Variants in KHDRBS3 observed in about 807,000 individuals in gnomAD.
KHDRBS3 encodes KH domain-containing, RNA-binding, signal transduction-associated protein 3.
In KHDRBS3, 23 loss-of-function variants were observed where a neutral mutation model predicts 45.6. That is an observed-to-expected ratio of 0.50 (90% CI 0.36 to 0.72). KHDRBS3 has a LOEUF of 0.72. Among genes scored for constraint, KHDRBS3 ranks in the 30% least tolerant of loss-of-function variants. The pLI is 0.00. For synonymous variants in KHDRBS3, 162 were observed against 156.5 expected, an observed-to-expected ratio of 1.04 and a Z score of -0.26; for missense variants, 352 against 424.8, an observed-to-expected ratio of 0.83 and a Z score of 1.51.
At chr8:135,499,641 C>T (rs1375478471) in intron 1 of KHDRBS3, among the ~76,000 whole-genome samples, 1 of 152,152 alleles carries the variant, frequency 6.6e-6, no homozygotes, top group Non-Finnish European at 1.5e-5. Context: ...CTACAAATCT[C>T]AGTTTGTTCT....
chr8:135,534,890 T>C (rs959564948), intron 2 of KHDRBS3, among the ~76,000 whole-genome samples: 1 of 152,148 alleles, frequency 6.6e-6, no homozygotes, highest in Non-Finnish European at 1.5e-5. Flanking sequence ...ACGCTGAGGC[T>C]GCCATGGTAA....
chr8:135,617,429 C>T lies in KHDRBS3; in HGVS notation c.890+10392C>T, dbSNP rs117068133. ...GGTAGCTGGGACTACAGGAGTGCTC[C>T]ACCACACCCAGCTAATTTTTGTGTT... On this transcript the variant is annotated intron_variant, in intron 7 of 8. Coordinates refer to ENST00000355849, the MANE Select transcript of KHDRBS3 (RefSeq NM_006558.3). Among the ~76,000 whole-genome samples the T allele has an allele frequency of 2.6e-3, 402 of 152,222 alleles. 3 individuals are homozygous for T. Among genetic ancestry groups the T allele is most frequent in the Admixed American group, 8.2e-3 (125 of 15,282 alleles).
chr8:135,613,179 G>A (rs547184222), intron 7 of KHDRBS3, among the ~76,000 whole-genome samples: 1 of 151,950 alleles, frequency 6.6e-6, no homozygotes, highest in South Asian at 2.1e-4. Flanking sequence ...TAATATTATA[G>A]TATGCATAAG....
intron 3 of KHDRBS3, among the ~76,000 whole-genome samples, chr8:135,546,454 G>T (rs754094829): frequency 6.6e-6 from 1 of 152,130 alleles, no homozygotes; most frequent in Non-Finnish European, 1.5e-5. Flanking sequence ...TGGTTACATA[G>T]CATAATAATC....
At chr8:135,496,690 T>C (rs963957762) in intron 1 of KHDRBS3, among the ~76,000 whole-genome samples, 2 of 152,248 alleles carry the variant, frequency 1.3e-5, no homozygotes, top group African/African-American at 4.8e-5. Context: ...TTTTATTTAT[T>C]GCTATGTGAT....
At chr8:135,631,184 G>A (rs971423134) in intron 7 of KHDRBS3, among the ~76,000 whole-genome samples, 1 of 144,686 alleles carries the variant, frequency 6.9e-6, no homozygotes, top group Non-Finnish European at 1.5e-5. Context: ...CGGGGAGGTG[G>A]AGGTTGTGGT....
chr8:135,458,430 T>C (rs1397500903), intron 1 of KHDRBS3: 1 of 223,530 alleles, frequency 4.5e-6, no homozygotes, highest in Non-Finnish European at 9.0e-6. Context: ...GCTTGCATTG[T>C]TAGCGAAGTT....
intron 6 of KHDRBS3, among the ~76,000 whole-genome samples, chr8:135,596,382 G>A (rs1828974410): frequency 6.6e-6 from 1 of 152,120 alleles, no homozygotes; most frequent in Non-Finnish European, 1.5e-5. Flanking sequence ...TTAGGTGAAG[G>A]GACTGATAAA....
At chr8:135,485,908 G>T (rs977699919) in intron 1 of KHDRBS3, among the ~76,000 whole-genome samples, 38 of 144,610 alleles carry the variant, frequency 2.6e-4, no homozygotes, top group Non-Finnish European at 5.1e-4. Flanking sequence ...TGTTTACAAA[G>T]ATACACCAGG....
chr8:135,643,630 G>C (rs1831158340), intron 7 of KHDRBS3, among the ~76,000 whole-genome samples: 1 of 152,216 alleles, frequency 6.6e-6, no homozygotes, highest in African/African-American at 2.4e-5. Context: ...TGGCCATGCT[G>C]TGCCGTAGTC....
intron 1 of KHDRBS3, among the ~76,000 whole-genome samples, chr8:135,496,163 A>AACT (rs1351570240): frequency 7.8e-6 from 1 of 128,476 alleles, no homozygotes; most frequent in Non-Finnish European, 1.7e-5. Context: ...TAGGAAGGAA[A>AACT]ACTGTAGAGA....
At chr8:135,507,850 T>G (rs1824085437) in intron 1 of KHDRBS3, among the ~76,000 whole-genome samples, 1 of 152,212 alleles carries the variant, frequency 6.6e-6, no homozygotes, top group African/African-American at 2.4e-5. Flanking sequence ...GCAAACTGAT[T>G]TTTCATCAGT....
chr8:135,521,355 G>A lies in KHDRBS3; in HGVS notation c.207G>A (p.Lys69=). 1 of 1,554,408 alleles carries A rather than the reference G, an allele frequency of 6.4e-7. No homozygotes were observed. The highest frequency in any genetic ancestry group is 8.9e-7 in the Non-Finnish European group (1 of 1,126,262). ...TAATTCCCGTAAAACAGTTCCCTAAGGTAAGACAGTGAGGTCTACACTGCA... is the reference window on the plus strand; with the variant it reads ...TAATTCCCGTAAAACAGTTCCCTAAAGTAAGACAGTGAGGTCTACACTGCA... ...KVLIPVKQFP[K]FNFVGKLLGP... The change falls in exon 2 of 9, where the codon AAG becomes AAA. Residue 69 remains lysine, a splice_region_variant and synonymous_variant. Coordinates refer to ENST00000355849, the MANE Select transcript of KHDRBS3 (RefSeq NM_006558.3).
At chr8:135,611,695 A>G (rs72734008) in intron 7 of KHDRBS3, among the ~76,000 whole-genome samples, 13,679 of 151,846 alleles carry the variant, frequency 0.09, 929 homozygotes, top group East Asian at 0.19. Flanking sequence ...ACCCACTCTA[A>G]AGGCCTCATT....
intron 4 of KHDRBS3, among the ~76,000 whole-genome samples, chr8:135,551,599 TTCCC>T (rs1826604970): frequency 1.3e-5 from 2 of 152,174 alleles, no homozygotes; most frequent in Non-Finnish European, 2.9e-5. Context: ...CCGAGGATAA[TTCCC>T]ACTTGGTCAT....
At chr8:135,572,733 T>A (rs1016858356) in intron 5 of KHDRBS3, among the ~76,000 whole-genome samples, 1 of 152,224 alleles carries the variant, frequency 6.6e-6, no homozygotes, top group Non-Finnish European at 1.5e-5. Context: ...TCGGGTGGTC[T>A]CTAGAGTTGC....
At chr8:135,587,808 G>T (rs1032707390) in intron 6 of KHDRBS3, among the ~76,000 whole-genome samples, 1 of 152,152 alleles carries the variant, frequency 6.6e-6, no homozygotes, top group Non-Finnish European at 1.5e-5. Flanking sequence ...GGGTCAACAT[G>T]CAAAGAAAAC....
At position 135,646,979 on chromosome 8, in the gene KHDRBS3, C is replaced by G; in HGVS notation, c.950-14C>G. ...TGGCAGTGATCTAATTGTGATTCAT[C>G]TTACTGATTGTAGGGCAAGAAGAGT... is the stretch of plus-strand genomic sequence containing the variant. On this transcript the variant is annotated splice_polypyrimidine_tract_variant and intron_variant, in intron 8 of 8. Coordinates refer to ENST00000355849, the MANE Select transcript of KHDRBS3 (RefSeq NM_006558.3). The G allele has an allele frequency of 6.9e-7, 1 of 1,449,104 alleles. No homozygotes were observed. Among genetic ancestry groups the G allele is most frequent in the Non-Finnish European group, 9.7e-7 (1 of 1,029,508 alleles). The allele number at this position is 1,449,104 out of a possible 1,614,324, so 89.8% of individuals were successfully genotyped here.
rs1292617450 is a variant in KHDRBS3 at position 135,457,631 on chromosome 8, G to A, written c.-236G>A. The stretch of plus-strand genomic sequence containing the variant: ...CCCGCTCCTCCTCGGCCCGCGCCCG[G>A]AGCGCGGGGGCCGCCGGCGCTGGGT... On this transcript the variant is annotated 5_prime_UTR_variant, in exon 1 of 9. Coordinates refer to ENST00000355849, the MANE Select transcript of KHDRBS3 (RefSeq NM_006558.3). The surrounding 1 kb of genome is among the most constrained non-coding windows in gnomAD (Gnocchi z 4.4). The A allele has an allele frequency of 2.0e-5, 3 of 147,252 alleles. No individual in the cohort carries two copies. The highest frequency in any genetic ancestry group is 7.3e-5 in the African/African-American group (3 of 40,858). The allele number at this position is 147,252 out of a possible 1,614,324, so 9.1% of individuals were successfully genotyped here.
Sources: allele counts gnomAD v4.1 joint callset (sites outside exome capture counted in the v4.1 genomes callset), GRCh38; gene constraint gnomAD v4.1.1; non-coding constraint Gnocchi (gnomAD v3.1); transcripts MANE v1.5; gene names NCBI Gene and HGNC (gene_info 2026-07-23, HGNC 2026-07-21).